The following AKAP19 variants were observed in gnomAD, a reference collection of about 807,000 sequenced individuals.
The protein encoded by AKAP19 is A-kinase anchoring protein 19, also known as small A-kinase anchoring protein.
chr2:190,170,969 C>A, the AKAP19 span, among the ~76,000 whole-genome samples: 2 of 152,110 alleles, frequency 1.3e-5, no homozygotes, highest in Non-Finnish European at 2.9e-5. Flanking sequence ...CTGAGCTAAC[C>A]ACTCTCTTGG....
At chr2:189,924,102 A>T in the AKAP19 span, 1 of 1,511,826 alleles carries the variant, frequency 6.6e-7, no homozygotes, top group Non-Finnish European at 8.9e-7. Context: ...CTACTGGATG[A>T]TGATGATAAT....
chr2:190,062,211 T>C, the AKAP19 span: 1 of 1,612,398 alleles, frequency 6.2e-7, no homozygotes, highest in Non-Finnish European at 8.5e-7. Flanking sequence ...TATACACTAA[T>C]AGGACTACTT....
chr2:190,010,695 A>T, the AKAP19 span, among the ~76,000 whole-genome samples: 1 of 152,200 alleles, frequency 6.6e-6, no homozygotes, highest in South Asian at 2.1e-4. Context: ...GCATAACAAA[A>T]ATATCACAAA....
the AKAP19 span, among the ~76,000 whole-genome samples, chr2:189,959,942 A>T: frequency 6.6e-6 from 1 of 152,200 alleles, no homozygotes; most frequent in Non-Finnish European, 1.5e-5. Context: ...AATGAAAATA[A>T]TGTAACATTT....
At chr2:190,054,114 CTG>C in the AKAP19 span, among the ~76,000 whole-genome samples, 2 of 152,076 alleles carry the variant, frequency 1.3e-5, no homozygotes, top group Admixed American at 6.6e-5. Flanking sequence ...CCTTGTGTCT[CTG>C]TGGCTTCAGT....
the AKAP19 span, among the ~76,000 whole-genome samples, chr2:189,934,962 A>G: frequency 0.015 from 2,332 of 152,100 alleles, 47 homozygotes; most frequent in Non-Finnish European, 0.021. Context: ...TCTTAAAGGG[A>G]CTATATGATC....
the AKAP19 span, among the ~76,000 whole-genome samples, chr2:190,068,523 G>A: frequency 6.6e-6 from 1 of 152,118 alleles, no homozygotes; most frequent in African/African-American, 2.4e-5. Flanking sequence ...TAGAGACGGC[G>A]TTTTGCCATG....
At chr2:190,196,664 TTTTA>T in the AKAP19 span, among the ~76,000 whole-genome samples, 2 of 152,178 alleles carry the variant, frequency 1.3e-5, no homozygotes, top group Non-Finnish European at 2.9e-5. Context: ...AATGGTATTG[TTTTA>T]TTTCTTGTTA....
chr2:189,881,285 C>A, the AKAP19 span, among the ~76,000 whole-genome samples: 3 of 152,112 alleles, frequency 2.0e-5, no homozygotes, highest in Non-Finnish European at 4.4e-5. Context: ...TGCTTAGGAC[C>A]AACCTGCCTC....
chr2:190,040,777 G>C, the AKAP19 span, among the ~76,000 whole-genome samples: 1 of 152,142 alleles, frequency 6.6e-6, no homozygotes. Context: ...GTTAAATAGA[G>C]AGTCTTTTCC....
At chr2:190,077,879 T>C in the AKAP19 span, among the ~76,000 whole-genome samples, 3 of 152,240 alleles carry the variant, frequency 2.0e-5, no homozygotes. Flanking sequence ...TGATTATTAA[T>C]GCGTGACCTT....
At chr2:190,163,293 G>A in the AKAP19 span, among the ~76,000 whole-genome samples, 1 of 151,868 alleles carries the variant, frequency 6.6e-6, no homozygotes. Flanking sequence ...AATTAGCCGG[G>A]CGTGTTGGCG....
chr2:190,168,576 T>C, the AKAP19 span, among the ~76,000 whole-genome samples: 1 of 152,230 alleles, frequency 6.6e-6, no homozygotes, highest in Non-Finnish European at 1.5e-5. Context: ...ATGCTCTGCT[T>C]CCCTCATAAA....
chr2:190,014,806 T>A, the AKAP19 span, among the ~76,000 whole-genome samples: 2 of 152,136 alleles, frequency 1.3e-5, no homozygotes, highest in Non-Finnish European at 2.9e-5. Context: ...CCATTCCAAA[T>A]GCGAGAAATT....
At chr2:189,938,019 C>T in the AKAP19 span, among the ~76,000 whole-genome samples, 1 of 152,102 alleles carries the variant, frequency 6.6e-6, no homozygotes, top group East Asian at 1.9e-4. Context: ...AAGTGTTTAT[C>T]AACAGATAAA....
At chr2:189,915,270 T>C in the AKAP19 span, among the ~76,000 whole-genome samples, 1 of 152,182 alleles carries the variant, frequency 6.6e-6, no homozygotes, top group Non-Finnish European at 1.5e-5. Flanking sequence ...AAATAACCTT[T>C]GCTTCTTTGC....
chr2:189,946,431 C>A, the AKAP19 span, among the ~76,000 whole-genome samples: 1 of 152,072 alleles, frequency 6.6e-6, no homozygotes, highest in Admixed American at 6.5e-5. Context: ...GCAACATAGG[C>A]CCTGCCTCTA....
At chr2:190,112,777 A>C in the AKAP19 span, among the ~76,000 whole-genome samples, 6 of 152,122 alleles carry the variant, frequency 3.9e-5, no homozygotes, top group African/African-American at 1.2e-4. Flanking sequence ...TTTTGCATCT[A>C]TGCTTATATG....
the AKAP19 span, among the ~76,000 whole-genome samples, chr2:190,196,720 T>C: frequency 5.9e-5 from 9 of 152,350 alleles, no homozygotes; most frequent in African/African-American, 1.4e-4. Flanking sequence ...ATGTGGTCCA[T>C]AGGCTGGCTA....
Sources: allele counts gnomAD v4.1 joint callset (sites outside exome capture counted in the v4.1 genomes callset), GRCh38; gene constraint gnomAD v4.1.1; transcripts MANE v1.5; gene names NCBI Gene and HGNC (gene_info 2026-07-23, HGNC 2026-07-21).